Variants in PGS1 observed in about 807,000 individuals in gnomAD.
PGS1 encodes the protein phosphatidylglycerophosphate synthase 1, also known as CDP-diacylglycerol--glycerol-3-phosphate 3-phosphatidyltransferase, mitochondrial.
Under a neutral mutation model 58.3 loss-of-function variants are expected in PGS1, and 44 were observed. The observed-to-expected ratio is 0.75, with a 90% CI of 0.59 to 0.97. PGS1 has a LOEUF of 0.97. PGS1 is among the 50% of genes least tolerant of loss of function. The pLI, the probability that PGS1 is intolerant of heterozygous loss-of-function variation, is 0.00. For missense variants in PGS1, 684 were observed against 731.1 expected (o/e 0.94, Z 0.74); for synonymous variants, 330 against 311.0 (o/e 1.06, Z -0.64).
intron 7 of PGS1, among the ~76,000 whole-genome samples, chr17:78,409,488 C>T (rs1274276832): frequency 6.6e-6 from 1 of 152,246 alleles, no homozygotes; most frequent in African/African-American, 2.4e-5. Context: ...GCGGGCAGCC[C>T]CACCCTGTTT....
At chr17:78,414,814 G>T (rs531347486) in intron 7 of PGS1, 65 bp from the exon 8 acceptor site, 5 of 1,573,340 alleles carry the variant, frequency 3.2e-6, no homozygotes, top group South Asian at 2.2e-5. Flanking sequence ...TTGCAGCAGC[G>T]TGTGGAGAGG....
intron 9 of PGS1, chr17:78,422,000 A>G (rs767338661): frequency 3.9e-5 from 6 of 152,204 alleles, no homozygotes; most frequent in Non-Finnish European, 5.9e-5. Context: ...GTGCAGCTTA[A>G]GTGCGAATCA....
chr17:78,388,083 C>G (rs1436613236), intron 1 of PGS1, among the ~76,000 whole-genome samples: 1 of 152,228 alleles, frequency 6.6e-6, no homozygotes, highest in Non-Finnish European at 1.5e-5. Context: ...GCTTTCAGCT[C>G]CTTTTCCTCT....
intron 8 of PGS1, 102 bp from the exon 9 acceptor site, chr17:78,419,444 G>T (rs2085493179): frequency 9.9e-7 from 1 of 1,013,154 alleles, no homozygotes; most frequent in African/African-American, 1.6e-5. Flanking sequence ...GGGAAGTCAG[G>T]GTTTTCTGGG....
chr17:78,422,618 C>G (rs1351730197), intron 9 of PGS1, among the ~76,000 whole-genome samples: 1 of 152,134 alleles, frequency 6.6e-6, no homozygotes, highest in East Asian at 1.9e-4. Context: ...CTGCCTCAGC[C>G]TCCTGAGTAG....
intron 1 of PGS1, among the ~76,000 whole-genome samples, chr17:78,386,711 G>A (rs945112666): frequency 1.3e-5 from 2 of 152,178 alleles, no homozygotes; most frequent in African/African-American, 2.4e-5. Context: ...TTGAGCTTGC[G>A]CAGGTGGTCA....
At chr17:78,396,675 C>G (rs12453219) in intron 3 of PGS1, among the ~76,000 whole-genome samples, 18,009 of 152,324 alleles carry the variant, frequency 0.12, 1,331 homozygotes, top group East Asian at 0.27. Context: ...TCTGCCAGTT[C>G]AGGGCTTGGC....
At chr17:78,415,063 AGGGTGTGGCT>A in intron 8 of PGS1, 36 bp downstream of exon 8, 1 of 1,549,898 alleles carries the variant, frequency 6.5e-7, no homozygotes, top group Non-Finnish European at 8.7e-7. Context: ...CAGGGCGCTG[AGGGTGTGGCT>A]GGGGGCCCAG....
At chr17:78,423,099 T>C (rs2086055135) in intron 9 of PGS1, among the ~76,000 whole-genome samples, 1 of 61,340 alleles carries the variant, frequency 1.6e-5, no homozygotes, top group Non-Finnish European at 4.4e-5. Context: ...ACTCTCACTC[T>C]CCCTCGAAAA....
intron 5 of PGS1, 37 bp downstream of exon 5, chr17:78,399,574 G>T (rs748281183): frequency 9.4e-6 from 15 of 1,602,322 alleles, no homozygotes; most frequent in Non-Finnish European, 1.3e-5. Flanking sequence ...TTGCCCTCCT[G>T]CTCTGCAGGC....
At position 78,414,870 on chromosome 17, in the gene PGS1, T is replaced by C; in HGVS notation, c.1403-9T>C. ...CATTTCCTGTCTGCACGTTTCCTTT[T>C]CCCCGCAGGCCTCTGGCTGTACCTG... On this transcript the variant is annotated splice_polypyrimidine_tract_variant and intron_variant, in intron 7 of 9. Coordinates refer to ENST00000262764, the MANE Select transcript of PGS1 (RefSeq NM_024419.5). The C allele has an allele frequency of 6.2e-7, 1 of 1,613,704 alleles. No homozygotes were observed. The highest frequency in any genetic ancestry group is 8.5e-7 in the Non-Finnish European group (1 of 1,179,698).
intron 7 of PGS1, among the ~76,000 whole-genome samples, chr17:78,409,996 G>T (rs745561672): frequency 9.2e-5 from 14 of 152,056 alleles, no homozygotes; most frequent in Non-Finnish European, 1.0e-4. Context: ...CTGTAATCCC[G>T]GCTACTCGGG....
rs1568027321 is a variant in PGS1, at chr17:78,424,150, G to A, written c.*100G>A. On this transcript the variant is annotated 3_prime_UTR_variant, in exon 10 of 10. Coordinates refer to ENST00000262764, the MANE Select transcript of PGS1 (RefSeq NM_024419.5). Reference sequence around the variant, plus strand: ...GACTCCAGTCTGGGTGTCCCAGCGAGCCCCTGCAGGGACAGTATGGCTGAG... The same window carrying A: ...GACTCCAGTCTGGGTGTCCCAGCGAACCCCTGCAGGGACAGTATGGCTGAG... 6.2e-7 allele frequency: 1 copy of A among 1,610,000 alleles called. No homozygotes were observed. The highest frequency in any genetic ancestry group is 1.7e-5 in the Admixed American group (1 of 59,972).
rs555502874 is a variant in PGS1, at chr17:78,379,054, C to T, written c.143+246C>T. Among the ~76,000 whole-genome samples, 9 of 152,306 alleles carry T rather than the reference C, an allele frequency of 5.9e-5. No homozygotes were observed. In the South Asian group the frequency reaches 1.0e-3, roughly 18 times the overall value. On this transcript the variant is annotated intron_variant, in intron 1 of 9. Coordinates refer to ENST00000262764, the MANE Select transcript of PGS1 (RefSeq NM_024419.5). Reference sequence around the variant, plus strand: ...CAGCCGGCGGGCCTCCTGCGCAGCCCGGCCAGTCCTTGCTCCCCGTCTACA... The same window carrying T: ...CAGCCGGCGGGCCTCCTGCGCAGCCTGGCCAGTCCTTGCTCCCCGTCTACA...
chr17:78,422,366 ATCATTACCC>A (rs1345554954), intron 9 of PGS1, among the ~76,000 whole-genome samples: 1 of 152,172 alleles, frequency 6.6e-6, no homozygotes. Flanking sequence ...ATTGTTGTGA[ATCATTACCC>A]TCAGAATTTG....
intron 2 of PGS1, 112 bp from the exon 3 acceptor site, chr17:78,396,196 C>A: frequency 1.3e-6 from 1 of 769,072 alleles, no homozygotes; most frequent in Non-Finnish European, 2.3e-6. Flanking sequence ...TTGGTGAAGA[C>A]ATAGGATAGT....
chr17:78,392,578 G>T lies in PGS1; in HGVS notation c.246G>T (p.Trp82Cys). Residue 82 changes from tryptophan (W) to cysteine (C), a missense_variant, in exon 2 of 10, where the codon TGG becomes TGT. Physicochemically the swap from Trp to Cys is radical, Grantham distance 215. Coordinates refer to ENST00000262764, the MANE Select transcript of PGS1 (RefSeq NM_024419.5). ...CAGAAGGCGTGCACCGGTTCCAGTG[G>T]ATCAGAAACCTGGTTCCAGAATTTG... ...LCPEGVHRFQ[W>C]IRNLVPEFGV... 6.2e-7 allele frequency: 1 copy of T among 1,614,128 alleles called. No homozygotes were observed. The highest frequency in any genetic ancestry group is 8.5e-7 in the Non-Finnish European group (1 of 1,179,958).
chr17:78,390,067 C>CCCCCCCCCCCCCCCCCCCCCCGCCCCCCT (rs1883308583), intron 1 of PGS1, among the ~76,000 whole-genome samples: 16 of 143,494 alleles, frequency 1.1e-4, no homozygotes, highest in South Asian at 4.6e-4. Context: ...CCTGTTCCCC[C>CCCCCCCCCCCCCCCCCCCCCCGCCCCCCT]GCCCCCGACC....
Position 78,400,771 on chromosome 17 carries a change from G to T in PGS1, c.796G>T (p.Val266Leu), listed in dbSNP as rs1302291076. ...AEIADFFTEL[V>L]DAVGDVSLQL... is the part of the protein sequence containing the mutation. ...GATTGCCGACTTCTTCACGGAGCTG[G>T]TGGACGCGGTGGGGGATGTGTCCCT... The change falls in exon 6 of 10, where the codon GTG becomes TTG. Residue 266 changes from valine (V) to leucine (L), a missense_variant. Physicochemically the swap from Val to Leu is conservative, Grantham distance 32 (BLOSUM62 1). Coordinates refer to ENST00000262764, the MANE Select transcript of PGS1 (RefSeq NM_024419.5). The surrounding 1 kb of genome is among the most constrained non-coding windows in gnomAD (Gnocchi z 4.4). 3 of 1,613,920 alleles carry T rather than the reference G, an allele frequency of 1.9e-6. No homozygotes were observed. Among genetic ancestry groups the T allele is most frequent in the Non-Finnish European group, 2.5e-6 (3 of 1,180,002 alleles).
Sources: allele counts gnomAD v4.1 joint callset (sites outside exome capture counted in the v4.1 genomes callset), GRCh38; gene constraint gnomAD v4.1.1; non-coding constraint Gnocchi (gnomAD v3.1); transcripts MANE v1.5; gene names NCBI Gene and HGNC (gene_info 2026-07-23, HGNC 2026-07-21).